The following GCA variants were observed in gnomAD, a reference collection of about 807,000 sequenced individuals.
GCA encodes grancalcin, EF-hand calcium-binding protein.
A neutral mutation model predicts 32.6 loss-of-function variants in GCA; 30 were observed. The ratio of observed to expected loss-of-function variants is 0.92; its 90% CI spans 0.69 to 1.25. The LOEUF (loss-of-function observed/expected upper bound fraction) is 1.25, where lower values mean the gene tolerates loss of function less well. Ranked by LOEUF, GCA falls within the 50% of genes most tolerant of loss-of-function variation. The pLI, the probability that GCA is intolerant of heterozygous loss-of-function variation, is 0.00. For missense variants in GCA, 291 were observed against 266.8 expected, an observed-to-expected ratio of 1.09 and a Z score of -0.63; for synonymous variants, 102 against 84.6, an observed-to-expected ratio of 1.21 and a Z score of -1.13.
chr2:162,325,335 A>G (rs1231555848), intron 1 of GCA, among the ~76,000 whole-genome samples: 1 of 152,108 alleles, frequency 6.6e-6, no homozygotes, highest in Non-Finnish European at 1.5e-5. Flanking sequence ...TCTCTATTAT[A>G]AAAGACCAAG....
rs2105357857 is a variant in GCA at position 162,361,610 on chromosome 2, A to G, written c.*1367A>G. On this transcript the variant is annotated 3_prime_UTR_variant, in exon 8 of 8. Transcript: ENST00000437150. ...GCCTTCACTTAAAAAAATCCTGGAA[A>G]GGAAGTAACGCATAGTCACTTGACA... is the stretch of plus-strand genomic sequence containing the variant. The G allele has an allele frequency of 2.0e-6, 2 of 982,502 alleles. No homozygotes were observed. Among genetic ancestry groups the G allele is most frequent in the East Asian group, 1.1e-4 (1 of 8,776 alleles). 60.9% of individuals were successfully genotyped at this position (982,502 alleles called of 1,614,324 possible). A position where few individuals can be genotyped will look rare whatever the true frequency, so the allele number is the denominator to read the frequency against.
chr2:162,371,335 A>G, exon 5 of GCA: 2 of 1,288,918 alleles, frequency 1.6e-6, no homozygotes, highest in Non-Finnish European at 2.0e-6. Context: ...TTAACTTTGA[A>G]CATCTTGATA....
In GCA at chr2:162,344,306, T is replaced by C. The variant is rs764228048; in HGVS notation, c.27+31T>C. 7.5e-6 allele frequency: 12 copies of C among 1,609,758 alleles called. No homozygotes were observed. The African/African-American group carries it at 1.5e-4, about 20-fold the overall frequency. The stretch of plus-strand genomic sequence containing the variant: ...TCCCAGCCGCTTGGTCGTGTCCCTC[T>C]TCCTCGCGGGGTGTGGCGCCCCCGG... On this transcript the variant is annotated intron_variant, in intron 1 of 7. Transcript: ENST00000437150.
chr2:162,318,908 C>G, upstream of GCA: 1 of 205,964 alleles, frequency 4.9e-6, no homozygotes, highest in South Asian at 6.1e-5. Context: ...ATTTTGTTTT[C>G]CCAGCAGGTT....
rs1429160423 is a variant in GCA, at chr2:162,368,380, CTG to C, written c.366-2924_366-2923del. Among the ~76,000 whole-genome samples, 10 of 152,062 alleles carry C rather than the reference CTG, an allele frequency of 6.6e-5. No homozygotes were observed. In the East Asian group the frequency reaches 1.9e-3, roughly 29 times the overall value. ...GCCATAGATAAGCAATTTAGACACT[CTG>C]TTATGCAATTCATTTCTAATAACAT... On this transcript the variant is annotated intron_variant, in intron 4 of 4. Transcript: ENST00000414723.
chr2:162,347,162 CACTT>C (rs1326214751), intron 1 of GCA, among the ~76,000 whole-genome samples: 5 of 152,154 alleles, frequency 3.3e-5, no homozygotes, highest in African/African-American at 1.2e-4. Context: ...TAAATGTTGA[CACTT>C]AAAGTTTCAT....
chr2:162,329,094 C>T (rs1012823336), intron 1 of GCA, among the ~76,000 whole-genome samples: 3 of 152,068 alleles, frequency 2.0e-5, no homozygotes, highest in Non-Finnish European at 4.4e-5. Flanking sequence ...CTGCCTGCTA[C>T]GGTCTCGGGG....
intron 4 of GCA, 44 bp from the exon 5 acceptor site, chr2:162,356,714 T>C (rs766010830): frequency 7.5e-6 from 11 of 1,467,920 alleles, no homozygotes; most frequent in Non-Finnish European, 9.4e-6. Context: ...TAGAGTCAGA[T>C]AAACTCAGGT....
chr2:162,321,046 G>A (rs1201680012), intron 1 of GCA, among the ~76,000 whole-genome samples: 1 of 152,162 alleles, frequency 6.6e-6, no homozygotes, highest in Non-Finnish European at 1.5e-5. Context: ...TTAGGTGTGG[G>A]TGGAAGGGAC....
intron 1 of GCA, among the ~76,000 whole-genome samples, chr2:162,332,733 A>G (rs1481781160): frequency 2.0e-5 from 3 of 152,172 alleles, no homozygotes; most frequent in Admixed American, 6.5e-5. Flanking sequence ...GAGGGAAGTT[A>G]TGGAGAACAT....
At chr2:162,355,291 T>G (rs1685210546) in intron 3 of GCA, among the ~76,000 whole-genome samples, 2 of 152,124 alleles carry the variant, frequency 1.3e-5, no homozygotes, top group South Asian at 2.1e-4. Context: ...AGTTGTCAAT[T>G]TGAAAATACT....
At chr2:162,327,112 T>C (rs1683912345) in intron 1 of GCA, among the ~76,000 whole-genome samples, 3 of 152,124 alleles carry the variant, frequency 2.0e-5, no homozygotes, top group Admixed American at 2.0e-4. Context: ...TTCTGCCCAA[T>C]TGGTCGGCAG....
chr2:162,323,743 G>A (rs1209328191), intron 1 of GCA, among the ~76,000 whole-genome samples: 1 of 151,610 alleles, frequency 6.6e-6, no homozygotes, highest in Non-Finnish European at 1.5e-5. Context: ...ATTTCTGAGG[G>A]CTCTGTTCTG....
chr2:162,357,417 T>G (rs888181771), intron 5 of GCA, among the ~76,000 whole-genome samples: 1 of 151,888 alleles, frequency 6.6e-6, no homozygotes, highest in South Asian at 2.1e-4. Flanking sequence ...GATAAGCTGA[T>G]GTTCCTAGTG....
chr2:162,341,224 T>G (rs1450626965), upstream of GCA, among the ~76,000 whole-genome samples: 1 of 148,244 alleles, frequency 6.7e-6, no homozygotes, highest in Non-Finnish European at 1.5e-5. Flanking sequence ...TAAAATAAAC[T>G]CCATTAATGT....
At chr2:162,364,005 C>T (rs1238923917), downstream of GCA, among the ~76,000 whole-genome samples, 1 of 151,384 alleles carries the variant, frequency 6.6e-6, no homozygotes, top group African/African-American at 2.4e-5. Context: ...TCTGTAACAT[C>T]AGAGATGGTG....
chr2:162,326,564 T>A (rs1315313317), intron 1 of GCA, among the ~76,000 whole-genome samples: 1 of 152,180 alleles, frequency 6.6e-6, no homozygotes, highest in East Asian at 1.9e-4. Context: ...TCACCCAGGC[T>A]GGAGTGCAAT....
intron 6 of GCA, 65 bp from the exon 7 acceptor site, chr2:162,359,422 TACCTGGG>T: frequency 1.5e-6 from 1 of 685,956 alleles, no homozygotes; most frequent in Admixed American, 2.6e-5. Flanking sequence ...TCTTTTTGTG[TACCTGGG>T]TGCACTAAAT....
intron 1 of GCA, among the ~76,000 whole-genome samples, chr2:162,325,634 A>T (rs73014814): frequency 0.012 from 1,811 of 152,186 alleles, 27 homozygotes; most frequent in African/African-American, 0.041. Flanking sequence ...AGGGTCATCC[A>T]TTGGTACTGC....
Sources: gnomAD v4.1 joint callset for allele counts (sites outside exome capture counted in the v4.1 genomes callset) on GRCh38, gnomAD v4.1.1 for gene constraint, MANE v1.5 for transcripts, NCBI Gene and HGNC (gene_info 2026-07-23, HGNC 2026-07-21) for gene names.